TRPM7: variants seen among roughly 807,000 people sequenced by gnomAD.
The protein encoded by TRPM7 is LTRPC ion channel family member 7.
In TRPM7, 134 loss-of-function variants were observed where a neutral mutation model predicts 229.7. That is an observed-to-expected ratio of 0.58 (90% CI 0.51 to 0.67). TRPM7 has a LOEUF of 0.67. Among genes scored for constraint, TRPM7 ranks in the 30% least tolerant of loss-of-function variants. TRPM7 has a pLI of 0.00. For missense variants in TRPM7, 1,901 were observed against 2,210.0 expected (o/e 0.86, Z 2.80); for synonymous variants, 699 against 715.2 (o/e 0.98, Z 0.36).
intron 12 of TRPM7, among the ~76,000 whole-genome samples, chr15:50,623,240 C>T (rs1309099099): frequency 6.6e-6 from 1 of 151,524 alleles, no homozygotes; most frequent in African/African-American, 2.4e-5. Context: ...GGTGAAACCC[C>T]GACTCTACTA....
At chr15:50,617,711 C>T (rs1441093874) in intron 13 of TRPM7, among the ~76,000 whole-genome samples, 2 of 152,030 alleles carry the variant, frequency 1.3e-5, no homozygotes, top group East Asian at 1.9e-4. Context: ...TACAGTGGCT[C>T]GATGACAGCT....
intron 24 of TRPM7, 125 bp downstream of exon 24, chr15:50,594,304 T>C: frequency 2.2e-6 from 2 of 894,634 alleles, no homozygotes; most frequent in Non-Finnish European, 3.3e-6. Flanking sequence ...TACAGGCATA[T>C]TTAACAAAAA....
chr15:50,614,273 A>G lies in TRPM7; in HGVS notation c.1495-10T>C, dbSNP rs2060150309. On this transcript the variant is annotated splice_polypyrimidine_tract_variant and intron_variant, in intron 13 of 38. Coordinates refer to ENST00000646667, the MANE Select transcript of TRPM7 (RefSeq NM_017672.6). ...CTGGAGGAAGATTTCCCTAGAAACA[A>G]AACATTTGTTTTAAATAGATCAGAT... 6.3e-7 allele frequency: 1 copy of G among 1,596,008 alleles called. No individual in the cohort carries two copies. The highest frequency in any genetic ancestry group is 8.5e-7 in the Non-Finnish European group (1 of 1,173,530).
intron 3 of TRPM7, among the ~76,000 whole-genome samples, chr15:50,656,273 C>A (rs1224485479): frequency 6.6e-6 from 1 of 151,850 alleles, no homozygotes; most frequent in African/African-American, 2.4e-5. Flanking sequence ...AGTACAGGGG[C>A]AAATATGAAA....
intron 35 of TRPM7, 31 bp downstream of exon 35, chr15:50,574,606 A>T (rs373780626): frequency 6.3e-7 from 1 of 1,590,728 alleles, no homozygotes; most frequent in African/African-American, 1.4e-5. Flanking sequence ...TCCATATAAT[A>T]AAAGATCCCA....
chr15:50,680,135 GAC>G (rs1335170330), intron 1 of TRPM7, among the ~76,000 whole-genome samples: 1 of 152,092 alleles, frequency 6.6e-6, no homozygotes, highest in Admixed American at 6.6e-5. Context: ...TCGGGAGGCT[GAC>G]AGAGGAGAAT....
chr15:50,637,453 T>C lies in TRPM7; in HGVS notation c.801A>G (p.Glu267=). ...GAEVRLRREL[E]KTINQQRIHA... Reference sequence around the variant, plus strand: ...GAATTCTTTGCTGATTAATAGTTTTTTCAAGTTCTCTTCTCAGTCTGACTT... The same window carrying C: ...GAATTCTTTGCTGATTAATAGTTTTCTCAAGTTCTCTTCTCAGTCTGACTT... Residue 267 remains glutamate (E), a synonymous_variant, in exon 7 of 39, where the codon GAA becomes GAG. Transcript: ENST00000646667. 6.2e-7 allele frequency: 1 copy of C among 1,611,910 alleles called. No homozygotes were observed. The highest frequency in any genetic ancestry group is 8.5e-7 in the Non-Finnish European group (1 of 1,179,576).
At chr15:50,677,966 G>A (rs1353824192) in intron 1 of TRPM7, among the ~76,000 whole-genome samples, 1 of 151,812 alleles carries the variant, frequency 6.6e-6, no homozygotes, top group East Asian at 1.9e-4. Flanking sequence ...TTGGCTGGGC[G>A]CAGTGGCTCA....
At position 50,567,224 on chromosome 15, in the gene TRPM7, T is replaced by C. The variant is rs139026015; in HGVS notation, c.5467+2663A>G. On this transcript the variant is annotated intron_variant, in intron 38 of 38. Transcript: ENST00000646667. ...TAAGTTTTAGGGTACATGTGCACAA[T>C]GTGCAGGTTTGTTACACATGTATAC... Among the ~76,000 whole-genome samples the C allele has an allele frequency of 1.7e-3, 253 of 152,272 alleles. 1 individual carries two copies. The highest frequency in any genetic ancestry group is 5.6e-3 in the African/African-American group (231 of 41,556).
At chr15:50,573,457 C>A (rs1464970814) in intron 36 of TRPM7, among the ~76,000 whole-genome samples, 2 of 152,214 alleles carry the variant, frequency 1.3e-5, no homozygotes, top group Admixed American at 6.5e-5. Flanking sequence ...TCCAGTCAAG[C>A]TGTTCAATGT....
At chr15:50,606,702 T>C (rs2059927565) in intron 20 of TRPM7, among the ~76,000 whole-genome samples, 2 of 152,130 alleles carry the variant, frequency 1.3e-5, no homozygotes, top group Non-Finnish European at 2.9e-5. Context: ...TTTCACCCTG[T>C]TGGCCAGACT....
chr15:50,583,371 AAATG>A (rs1300642776), intron 28 of TRPM7, among the ~76,000 whole-genome samples: 1 of 152,176 alleles, frequency 6.6e-6, no homozygotes, highest in Non-Finnish European at 1.5e-5. Flanking sequence ...AGGCAACAAT[AAATG>A]AGAGTATGAA....
chr15:50,618,314 T>C (rs145173524), intron 13 of TRPM7, among the ~76,000 whole-genome samples: 1,568 of 152,200 alleles, frequency 0.01, 29 homozygotes, highest in African/African-American at 0.035. Flanking sequence ...CTCACGCCTG[T>C]AATCCCAGCA....
chr15:50,667,404 G>A (rs769206057), intron 1 of TRPM7, among the ~76,000 whole-genome samples: 2 of 152,052 alleles, frequency 1.3e-5, no homozygotes, highest in Non-Finnish European at 2.9e-5. Context: ...TGATTAACTG[G>A]TTTAAAAATA....
chr15:50,613,743 G>A lies in TRPM7; in HGVS notation c.1734C>T (p.Asn578=), dbSNP rs916069600. 2.5e-6 allele frequency: 4 copies of A among 1,613,142 alleles called. No homozygotes were observed. In the Admixed American group the frequency reaches 5.0e-5, roughly 20 times the overall value. ...AGGGCTGTGCTGTCTTAATGAAATGGTTATGCCTCATTTTTTCCTTTTTAT... is the reference window on the plus strand; with the variant it reads ...AGGGCTGTGCTGTCTTAATGAAATGATTATGCCTCATTTTTTCCTTTTTAT... The part of the protein sequence containing the change: ...RADKKEKMRH[N]HFIKTAQPYR... Residue 578 remains asparagine, a synonymous_variant, in exon 15 of 39, where the codon AAC becomes AAT. Transcript: ENST00000646667.
intron 13 of TRPM7, among the ~76,000 whole-genome samples, chr15:50,617,349 A>G (rs190858939): frequency 6.9e-6 from 1 of 144,878 alleles, no homozygotes; most frequent in East Asian, 2.1e-4. Context: ...AAAAAAAAAA[A>G]CAAATCAGTC....
chr15:50,584,006 C>T (rs2054560784), intron 28 of TRPM7, among the ~76,000 whole-genome samples: 2 of 152,180 alleles, frequency 1.3e-5, no homozygotes, highest in South Asian at 4.1e-4. Flanking sequence ...TTTCCAATCT[C>T]TTCCTATGAT....
chr15:50,612,091 G>A (rs1417114733), intron 16 of TRPM7, among the ~76,000 whole-genome samples: 3 of 151,980 alleles, frequency 2.0e-5, no homozygotes, highest in Admixed American at 2.0e-4. Context: ...ATGAATTCTG[G>A]CATTTCTTCT....
intron 13 of TRPM7, among the ~76,000 whole-genome samples, chr15:50,619,527 TC>T (rs2060328074): frequency 6.6e-6 from 1 of 152,098 alleles, no homozygotes. Context: ...CCAGCCTTGG[TC>T]TTAATTCCAT....
Sources: gnomAD v4.1 joint callset for allele counts (sites outside exome capture counted in the v4.1 genomes callset) on GRCh38, gnomAD v4.1.1 for gene constraint, MANE v1.5 for transcripts, NCBI Gene and HGNC (gene_info 2026-07-23, HGNC 2026-07-21) for gene names.